Variants in GALNTL6 observed in about 807,000 individuals in gnomAD.
GALNTL6 encodes polypeptide N-acetylgalactosaminyltransferase like 6.
In GALNTL6, 46 loss-of-function variants were observed where a neutral mutation model predicts 73.7. That is an observed-to-expected ratio of 0.62 (90% confidence interval 0.49 to 0.80). The LOEUF (loss-of-function observed/expected upper bound fraction) is 0.80, where lower values mean the gene tolerates loss of function less well. Among genes scored for constraint, GALNTL6 ranks in the 30% least tolerant of loss-of-function variants. The probability of loss-of-function intolerance (pLI) is 0.00; values close to 1 mark genes in which losing one functional copy is unlikely to be tolerated. For missense variants in GALNTL6, 604 were observed against 755.0 expected, an observed-to-expected ratio of 0.80 and a Z score of 2.34; for synonymous variants, 259 against 263.7, an observed-to-expected ratio of 0.98 and a Z score of 0.17.
chr4:172,581,058 G>A (rs1052662018), intron 5 of GALNTL6, among the ~76,000 whole-genome samples: 19 of 152,276 alleles, frequency 1.2e-4, no homozygotes, highest in African/African-American at 1.9e-4. Flanking sequence ...CACTGTGCCC[G>A]GCTGGCTGTT....
chr4:172,763,958 ATTTTTTT>A (rs35078752), intron 5 of GALNTL6, among the ~76,000 whole-genome samples: 48 of 136,918 alleles, frequency 3.5e-4, no homozygotes, highest in East Asian at 3.0e-3. Context: ...AACAAGGTGT[ATTTTTTT>A]TTTTTTTTTT....
intron 5 of GALNTL6, among the ~76,000 whole-genome samples, chr4:172,703,181 C>T (rs552112227): frequency 2.0e-5 from 3 of 151,772 alleles, no homozygotes; most frequent in South Asian, 2.1e-4. Flanking sequence ...TTAGATGTTC[C>T]GTATTTCTTT....
chr4:172,599,443 CTGAGT>C (rs1737976371), intron 5 of GALNTL6, among the ~76,000 whole-genome samples: 1 of 152,078 alleles, frequency 6.6e-6, no homozygotes, highest in Admixed American at 6.6e-5. Flanking sequence ...TAATGTATTG[CTGAGT>C]TAAGAATAAA....
At chr4:172,962,227 C>CA (rs1183865935) in intron 10 of GALNTL6, among the ~76,000 whole-genome samples, 2 of 152,128 alleles carry the variant, frequency 1.3e-5, no homozygotes, top group African/African-American at 4.8e-5. Flanking sequence ...GGAATGTCAT[C>CA]AGTTAAGGCA....
rs550668250 is a variant in GALNTL6 at position 172,522,674 on chromosome 4, C to G, written c.553+173985C>G. Among the ~76,000 whole-genome samples the G allele has an allele frequency of 8.6e-3, 553 of 64,090 alleles. 8 individuals are homozygous for G. The highest frequency in any genetic ancestry group is 0.034 in the African/African-American group (517 of 15,356). 42.0% of individuals were successfully genotyped at this position (64,090 alleles called of 152,430 possible). A position where few individuals can be genotyped will look rare whatever the true frequency, so the allele number is the denominator to read the frequency against. On this transcript the variant is annotated intron_variant, in intron 5 of 12. Transcript: ENST00000506823. ...AACGAGTGAAACTCAGTCCCCCCCC[C>G]CCCCAAAAAAAAAGTGTATTTTACT...
chr4:172,827,884 C>A (rs1019985140), intron 7 of GALNTL6, among the ~76,000 whole-genome samples: 22 of 151,848 alleles, frequency 1.4e-4, no homozygotes, highest in African/African-American at 4.8e-4. Context: ...TCACTGCATT[C>A]TTTAAGTGGT....
chr4:173,005,349 A>C (rs1365401750), intron 10 of GALNTL6, among the ~76,000 whole-genome samples: 1 of 152,110 alleles, frequency 6.6e-6, no homozygotes, highest in Admixed American at 6.5e-5. Flanking sequence ...TCAAGCCCTG[A>C]AACTGGGCAT....
intron 3 of GALNTL6, among the ~76,000 whole-genome samples, chr4:172,269,716 T>G (rs527332147): frequency 6.7e-6 from 1 of 150,178 alleles, no homozygotes; most frequent in African/African-American, 2.4e-5. Context: ...GTCCTGTTTT[T>G]ATGCATTCTC....
intron 5 of GALNTL6, among the ~76,000 whole-genome samples, chr4:172,569,230 G>T (rs1736674318): frequency 6.6e-6 from 1 of 152,122 alleles, no homozygotes; most frequent in African/African-American, 2.4e-5. Context: ...TACTGGTGAG[G>T]GCCCACCTCC....
intron 5 of GALNTL6, among the ~76,000 whole-genome samples, chr4:172,526,883 C>T (rs976353649): frequency 8.2e-5 from 12 of 146,500 alleles, no homozygotes; most frequent in African/African-American, 3.0e-4. Context: ...TTTTCATAAG[C>T]TGGCCTGACA....
At chr4:172,876,271 A>G (rs528337347) in intron 7 of GALNTL6, among the ~76,000 whole-genome samples, 1 of 152,320 alleles carries the variant, frequency 6.6e-6, no homozygotes, top group Non-Finnish European at 1.5e-5. Flanking sequence ...ATGGTACAAA[A>G]TAGCACAAAA....
chr4:172,168,442 T>C (rs1038098160), intron 2 of GALNTL6, among the ~76,000 whole-genome samples: 20 of 152,188 alleles, frequency 1.3e-4, no homozygotes, highest in African/African-American at 4.8e-4. Context: ...CCTTTATACA[T>C]AGATTGGCAT....
At chr4:172,025,525 A>G (rs1741541880) in intron 2 of GALNTL6, among the ~76,000 whole-genome samples, 1 of 152,014 alleles carries the variant, frequency 6.6e-6, no homozygotes, top group African/African-American at 2.4e-5. Context: ...GAAAATATTT[A>G]TTATACACTA....
intron 2 of GALNTL6, among the ~76,000 whole-genome samples, chr4:171,930,997 T>C (rs1204559691): frequency 6.6e-6 from 1 of 152,194 alleles, no homozygotes; most frequent in South Asian, 2.1e-4. Context: ...AAGTCTTTAG[T>C]GGGAATCTCT....
intron 5 of GALNTL6, among the ~76,000 whole-genome samples, chr4:172,650,120 A>G (rs1740410000): frequency 6.6e-6 from 1 of 152,164 alleles, no homozygotes; most frequent in Non-Finnish European, 1.5e-5. Context: ...AAGAGGCCCA[A>G]TCCTCTTGGT....
At chr4:172,412,727 C>A (rs1744491713) in intron 5 of GALNTL6, among the ~76,000 whole-genome samples, 1 of 151,980 alleles carries the variant, frequency 6.6e-6, no homozygotes, top group Non-Finnish European at 1.5e-5. Flanking sequence ...TATTTCACAC[C>A]CTTATGATTC....
intron 2 of GALNTL6, among the ~76,000 whole-genome samples, chr4:171,874,019 A>T (rs1374374060): frequency 6.6e-6 from 1 of 152,136 alleles, no homozygotes; most frequent in Admixed American, 6.5e-5. Context: ...TGCCGGCAGA[A>T]TTCTCTCTTT....
rs908834936 is a variant in GALNTL6 at position 171,814,519 on chromosome 4, T to G, written c.-62T>G. The G allele has an allele frequency of 7.3e-5, 116 of 1,580,518 alleles. No individual in the cohort carries two copies. The highest frequency in any genetic ancestry group is 9.9e-5 in the Non-Finnish European group (114 of 1,156,166). ...AGGGGAGAGGAAAGGAATTTGACATTAAACACAAGAAGCAGTCAGGGAGCC... is the reference window on the plus strand; with the variant it reads ...AGGGGAGAGGAAAGGAATTTGACATGAAACACAAGAAGCAGTCAGGGAGCC... On this transcript the variant is annotated 5_prime_UTR_variant, in exon 2 of 13. The change creates a new upstream start codon in the 5' untranslated region. Coordinates refer to ENST00000506823, the MANE Select transcript of GALNTL6 (RefSeq NM_001034845.3).
At chr4:173,032,819 A>ATT (rs111952863) in intron 12 of GALNTL6, among the ~76,000 whole-genome samples, 75 of 149,224 alleles carry the variant, frequency 5.0e-4, no homozygotes, top group African/African-American at 1.6e-3. Flanking sequence ...ATCAGGATTG[A>ATT]TTTTTTTTTT....
Sources: gnomAD v4.1 joint callset for allele counts (sites outside exome capture counted in the v4.1 genomes callset) on GRCh38, gnomAD v4.1.1 for gene constraint, MANE v1.5 for transcripts, NCBI Gene and HGNC (gene_info 2026-07-23, HGNC 2026-07-21) for gene names.